The following TNRC18 variants were observed in gnomAD, a reference collection of about 807,000 sequenced individuals.
TNRC18 encodes the protein trinucleotide repeat-containing gene 18 protein.
Under a neutral mutation model 226.7 loss-of-function variants are expected in TNRC18, and 69 were observed. The ratio of observed to expected loss-of-function variants is 0.30; its 90% confidence interval spans 0.25 to 0.37. The LOEUF (loss-of-function observed/expected upper bound fraction) is 0.37, where lower values mean the gene tolerates loss of function less well. TNRC18 is among the 10% of genes least tolerant of loss of function. The pLI is 1.00. For synonymous variants in TNRC18, 2,449 were observed against 1,927.6 expected (o/e 1.27, Z -7.09); for missense variants, 4,754 against 4,256.6 (o/e 1.12, Z -3.25).
At chr7:5,412,343 AGGTG>A (rs1303034445) in intron 2 of TNRC18, among the ~76,000 whole-genome samples, 1 of 151,756 alleles carries the variant, frequency 6.6e-6, no homozygotes, top group Non-Finnish European at 1.5e-5. Flanking sequence ...TGGGAGGCCG[AGGTG>A]GGTGGATCAC....
intron 16 of TNRC18, among the ~76,000 whole-genome samples, chr7:5,355,968 C>T (rs1285086572): frequency 6.6e-6 from 1 of 152,086 alleles, no homozygotes; most frequent in Non-Finnish European, 1.5e-5. Context: ...AGTTTAGGAC[C>T]AGCCTGGCCA....
chr7:5,371,243 C>A lies in TNRC18; in HGVS notation c.3351G>T (p.Pro1117=). ...GTGCCAGGCGCTCGGGCCCATCAGC[C>A]GGGAGCGGCACATCAGGGGCCAAGC... is the stretch of plus-strand genomic sequence containing the variant. ...ADGLAPDVPL[P]ADGPERLALS... The change falls in exon 11 of 30, where the codon CCG becomes CCT. Residue 1117 remains proline (P), a synonymous_variant. Transcript: ENST00000430969. 1 of 1,603,784 alleles carries A rather than the reference C, an allele frequency of 6.2e-7. No individual in the cohort carries two copies. Among genetic ancestry groups the A allele is most frequent in the South Asian group, 1.1e-5 (1 of 90,578 alleles).
chr7:5,376,880 C>T lies in TNRC18; in HGVS notation c.2575G>A (p.Val859Met). Reference protein sequence around the residue: ...FVRDPQSGQLVVIPSDHLPHF... With the variant: ...FVRDPQSGQLMVIPSDHLPHF... ...GGAAGGTGATCACTGGGAATGACCACCAGCTGGCCCGATTGGGGGTCCCTG... is the reference window on the plus strand; with the variant it reads ...GGAAGGTGATCACTGGGAATGACCATCAGCTGGCCCGATTGGGGGTCCCTG... The change falls in exon 8 of 30, where the codon GTG becomes ATG. Residue 859 changes from valine to methionine, a missense_variant. Transcript: ENST00000430969. 6.2e-7 allele frequency: 1 copy of T among 1,611,570 alleles called. No homozygotes were observed. The highest frequency in any genetic ancestry group is 8.5e-7 in the Non-Finnish European group (1 of 1,178,886).
chr7:5,389,320 G>C lies in TNRC18; in HGVS notation c.504C>G (p.Pro168=). ...QGPGGDGFYL[P]TAGAPGSLHS... ...GCAGGGAGCCCGGAGCCCCCGCGGT[G>C]GGCAGGTAGAAACCGTCTGCGGAGA... Residue 168 remains proline (P), a synonymous_variant, in exon 5 of 30, where the codon CCC becomes CCG. Transcript: ENST00000430969. The C allele has an allele frequency of 7.8e-7, 1 of 1,281,136 alleles. No individual in the cohort carries two copies. Among genetic ancestry groups the C allele is most frequent in the Non-Finnish European group, 9.9e-7 (1 of 1,014,268 alleles). The allele number at this position is 1,281,136 out of a possible 1,614,324, so 79.4% of individuals were successfully genotyped here. A position where few individuals can be genotyped will look rare whatever the true frequency, so the allele number is the denominator to read the frequency against.
chr7:5,362,848 A>G (rs772847305), intron 11 of TNRC18, 23 bp from the exon 12 acceptor site: 19 of 1,484,188 alleles, frequency 1.3e-5, no homozygotes, highest in Non-Finnish European at 1.6e-5. Context: ...GGTAGGTAAC[A>G]GGGCGCTGCT....
intron 14 of TNRC18, among the ~76,000 whole-genome samples, chr7:5,359,939 G>T (rs1053236727): frequency 6.6e-6 from 1 of 151,774 alleles, no homozygotes; most frequent in African/African-American, 2.4e-5. Flanking sequence ...GGGGAGTTCA[G>T]AACACAAGTT....
chr7:5,362,643 C>G lies in TNRC18; in HGVS notation c.4395+7G>C, dbSNP rs749569043. 1.3e-6 allele frequency: 2 copies of G among 1,552,414 alleles called. No individual in the cohort carries two copies. The highest frequency in any genetic ancestry group is 1.4e-5 in the African/African-American group (1 of 73,614). On this transcript the variant is annotated splice_region_variant and intron_variant, in intron 12 of 29. Transcript: ENST00000430969. ...GGACCCCAGGGAGGAAGCAGCCAGC[C>G]GCTCACCCGCTCCTCCTTCTTGCGC...
chr7:5,357,350 G>A (rs1408763233), intron 15 of TNRC18, 74 bp from the exon 16 acceptor site: 4 of 1,465,086 alleles, frequency 2.7e-6, no homozygotes, highest in Non-Finnish European at 3.7e-6. Context: ...CACATGCTCT[G>A]CCCAGCCTGG....
chr7:5,415,973 G>A (rs1399344189), intron 2 of TNRC18, among the ~76,000 whole-genome samples: 3 of 151,250 alleles, frequency 2.0e-5, no homozygotes, highest in Non-Finnish European at 4.4e-5. Flanking sequence ...AATTGGCTGG[G>A]CGTGGTGGCA....
At chr7:5,320,930 C>T (rs1289391745) in intron 22 of TNRC18, 143 bp downstream of exon 22, 5 of 674,486 alleles carry the variant, frequency 7.4e-6, no homozygotes, top group Admixed American at 5.5e-5. Flanking sequence ...TCCCCGTCAG[C>T]TCTGAGCCCA....
At chr7:5,384,293 G>C (rs901335450) in intron 5 of TNRC18, among the ~76,000 whole-genome samples, 33 of 152,022 alleles carry the variant, frequency 2.2e-4, no homozygotes, top group Non-Finnish European at 8.8e-5. Flanking sequence ...TAGAGACAAG[G>C]TCTTGCTAGG....
chr7:5,321,044 C>T (rs1788300981), intron 22 of TNRC18, 29 bp downstream of exon 22: 1 of 1,478,098 alleles, frequency 6.8e-7, no homozygotes, highest in East Asian at 2.5e-5. Context: ...GGACACGGGG[C>T]TCTGTGCCGG....
chr7:5,388,278 C>T lies in TNRC18; in HGVS notation c.1546G>A (p.Gly516Ser). Residue 516 changes from glycine to serine, a missense_variant, in exon 5 of 30, where the codon GGC becomes AGC. Physicochemically the swap from Gly to Ser is moderately conservative, Grantham distance 56 (BLOSUM62 0). Transcript: ENST00000430969. ...GCCATCTGCGTGGCGGCGAAGTTGCCCAGCTCGAAGGGTTTCCATTTATGC... is the reference window on the plus strand; with the variant it reads ...GCCATCTGCGTGGCGGCGAAGTTGCTCAGCTCGAAGGGTTTCCATTTATGC... The part of the protein sequence containing the change: ...PEHKWKPFEL[G>S]NFAATQMAVL... 2 of 1,609,306 alleles carry T rather than the reference C, an allele frequency of 1.2e-6. No individual in the cohort carries two copies. Among genetic ancestry groups the T allele is most frequent in the South Asian group, 2.2e-5 (2 of 90,756 alleles).
intron 3 of TNRC18, among the ~76,000 whole-genome samples, chr7:5,391,380 C>T (rs374299454): frequency 7.0e-4 from 107 of 151,878 alleles, no homozygotes; most frequent in Non-Finnish European, 1.4e-3. Flanking sequence ...GGCAGGATCT[C>T]GGTTCACTGC....
chr7:5,314,847 A>G, intron 26 of TNRC18, 137 bp downstream of exon 26: 1 of 946,402 alleles, frequency 1.1e-6, no homozygotes, highest in Non-Finnish European at 1.5e-6. Context: ...CGCTGGGATT[A>G]CAGGTGTGAG....
Position 5,315,063 on chromosome 7 carries a change from A to G in TNRC18, c.6948T>C (p.Asp2316=), listed in dbSNP as rs1321336882. ...KTSKDTGEGK[D]GGTAGSEEPG... ...GCTCCTCCGACCCAGCCGTGCCACCATCTTTGCCCTCCCCAGTGTCTTTGC... is the reference window on the plus strand; with the variant it reads ...GCTCCTCCGACCCAGCCGTGCCACCGTCTTTGCCCTCCCCAGTGTCTTTGC... Residue 2316 remains aspartate, a synonymous_variant, in exon 26 of 30, where the codon GAT becomes GAC. Transcript: ENST00000430969. The G allele has an allele frequency of 6.2e-6, 10 of 1,611,838 alleles. No homozygotes were observed. Among genetic ancestry groups the G allele is most frequent in the East Asian group, 2.2e-5 (1 of 44,828 alleles).
rs1416746827 is a variant in TNRC18, at chr7:5,357,015, C to A, written c.5095G>T (p.Ala1699Ser). The change falls in exon 16 of 30, where the codon GCA becomes TCA. Residue 1699 changes from alanine to serine, a missense_variant. Coordinates refer to ENST00000430969, the MANE Select transcript of TNRC18 (RefSeq NM_001080495.3). ...ACCTCCATCTTCCTGGTTTTGGCTGCCCTTTTGTGTTTACCTTCTCTGGAG... is the reference window on the plus strand; with the variant it reads ...ACCTCCATCTTCCTGGTTTTGGCTGACCTTTTGTGTTTACCTTCTCTGGAG... ...KSSREGKHKRAAKTRKMEVGF... is the reference protein window; with the variant it reads ...KSSREGKHKRSAKTRKMEVGF... 3 of 1,552,328 alleles carry A rather than the reference C, an allele frequency of 1.9e-6. 1 individual carries two copies. Among genetic ancestry groups the A allele is most frequent in the Middle Eastern group, 1.7e-4 (1 of 5,996 alleles).
At chr7:5,399,821 T>C (rs1197115468) in intron 2 of TNRC18, among the ~76,000 whole-genome samples, 2 of 151,850 alleles carry the variant, frequency 1.3e-5, no homozygotes, top group East Asian at 1.9e-4. Flanking sequence ...GGTCAGGAGT[T>C]CGAGACCAGC....
intron 2 of TNRC18, among the ~76,000 whole-genome samples, chr7:5,414,400 A>G (rs1192770815): frequency 6.6e-6 from 1 of 150,468 alleles, no homozygotes; most frequent in Non-Finnish European, 1.5e-5. Flanking sequence ...GCCCGTAAAC[A>G]TTTCAGTATT....
Sources: gnomAD v4.1 joint callset for allele counts (sites outside exome capture counted in the v4.1 genomes callset) on GRCh38, gnomAD v4.1.1 for gene constraint, MANE v1.5 for transcripts, NCBI Gene and HGNC (gene_info 2026-07-23, HGNC 2026-07-21) for gene names.